Variants in RAPGEF6 observed in about 807,000 individuals in gnomAD.
RAPGEF6 encodes Rap guanine nucleotide exchange factor 6.
RAPGEF6 carries 56 observed loss-of-function variants against 171.4 expected under a neutral mutation model. The ratio of observed to expected loss-of-function variants is 0.33; its 90% confidence interval spans 0.26 to 0.41. The LOEUF is 0.41. RAPGEF6 is among the 10% of genes least tolerant of loss of function. The pLI, the probability that RAPGEF6 is intolerant of heterozygous loss-of-function variation, is 1.00. For synonymous variants in RAPGEF6, 692 were observed against 650.1 expected, an observed-to-expected ratio of 1.06 and a Z score of -0.98; for missense variants, 1,674 against 1,921.4, an observed-to-expected ratio of 0.87 and a Z score of 2.41.
intron 2 of RAPGEF6, among the ~76,000 whole-genome samples, chr5:131,603,780 A>G (rs1191295062): frequency 6.6e-6 from 1 of 151,492 alleles, no homozygotes; most frequent in Non-Finnish European, 1.5e-5. Flanking sequence ...TCTTCCTGAT[A>G]TAATTATTTG....
intron 6 of RAPGEF6, among the ~76,000 whole-genome samples, chr5:131,538,621 C>G (rs916485229): frequency 6.6e-6 from 1 of 152,134 alleles, no homozygotes; most frequent in African/African-American, 2.4e-5. Context: ...TTAGTATCTG[C>G]AGGGGGTCCT....
At chr5:131,468,964 A>T (rs778081469) in intron 17 of RAPGEF6, among the ~76,000 whole-genome samples, 6 of 152,218 alleles carry the variant, frequency 3.9e-5, no homozygotes, top group Non-Finnish European at 8.8e-5. Context: ...ATTCTCACAA[A>T]ATAGTTTTTC....
intron 16 of RAPGEF6, among the ~76,000 whole-genome samples, chr5:131,473,175 A>C (rs1000897218): frequency 2.6e-5 from 4 of 152,184 alleles, no homozygotes; most frequent in African/African-American, 9.7e-5. Flanking sequence ...TAGGAAAAAG[A>C]GTCTACATTC....
chr5:131,631,772 C>T (rs1026790964), intron 1 of RAPGEF6, among the ~76,000 whole-genome samples: 32 of 152,052 alleles, frequency 2.1e-4, no homozygotes, highest in African/African-American at 7.0e-4. Flanking sequence ...TATAGTGAGA[C>T]CCTCTTTAAA....
intron 1 of RAPGEF6, among the ~76,000 whole-genome samples, chr5:131,634,658 C>T (rs1011428637): frequency 1.2e-4 from 19 of 152,180 alleles, no homozygotes; most frequent in African/African-American, 4.6e-4. Context: ...AACGAATGGG[C>T]ATCTAACTGC....
intron 3 of RAPGEF6, among the ~76,000 whole-genome samples, chr5:131,594,350 G>A (rs1429595345): frequency 6.6e-6 from 1 of 152,260 alleles, no homozygotes; most frequent in East Asian, 1.9e-4. Flanking sequence ...TTGGGCCTGC[G>A]GGTACGCAGA....
intron 16 of RAPGEF6, among the ~76,000 whole-genome samples, chr5:131,476,466 TA>T (rs1462063383): frequency 6.6e-6 from 1 of 151,428 alleles, no homozygotes; most frequent in Non-Finnish European, 1.5e-5. Flanking sequence ...TTTATTTATT[TA>T]TTATTTTTTT....
chr5:131,577,938 C>T (rs1259735188), intron 4 of RAPGEF6, among the ~76,000 whole-genome samples: 1 of 152,218 alleles, frequency 6.6e-6, no homozygotes, highest in Non-Finnish European at 1.5e-5. Context: ...ACCCCCACTA[C>T]TTGGACTGCA....
At chr5:131,538,752 A>G (rs1759940041) in intron 6 of RAPGEF6, among the ~76,000 whole-genome samples, 1 of 152,172 alleles carries the variant, frequency 6.6e-6, no homozygotes, top group South Asian at 2.1e-4. Flanking sequence ...ACTCTTCTAT[A>G]TATTTTACAT....
At chr5:131,462,134 TA>T in intron 18 of RAPGEF6, 46 bp from the exon 19 acceptor site, 1 of 1,298,688 alleles carries the variant, frequency 7.7e-7, no homozygotes, top group Non-Finnish European at 1.0e-6. Context: ...TAAATATGAT[TA>T]AATAAGAGCA....
intron 5 of RAPGEF6, among the ~76,000 whole-genome samples, chr5:131,557,220 A>G (rs1422360459): frequency 2.7e-5 from 4 of 148,140 alleles, no homozygotes; most frequent in African/African-American, 1.0e-4. Context: ...GATAATTTGT[A>G]TCTTAAAAAT....
At chr5:131,469,309 T>C (rs1754587511) in intron 17 of RAPGEF6, among the ~76,000 whole-genome samples, 1 of 152,200 alleles carries the variant, frequency 6.6e-6, no homozygotes, top group African/African-American at 2.4e-5. Context: ...TATCTTATTC[T>C]GGCAGTTTAA....
chr5:131,439,647 T>G lies in RAPGEF6; in HGVS notation c.3679A>C (p.Thr1227Pro), dbSNP rs1028846981. The change falls in exon 24 of 28, where the codon ACT (threonine) becomes CCT (proline). Residue 1227 changes from threonine to proline, a missense_variant. Physicochemically the swap from Thr to Pro is conservative, Grantham distance 38. Around this residue, in one of 3 missense-constraint regions of RAPGEF6, gnomAD observed 552 missense variants for 574.2 expected, o/e 0.96. Coordinates refer to ENST00000509018, the MANE Select transcript of RAPGEF6 (RefSeq NM_016340.6). The part of the protein sequence containing the change: ...EISGKKHTED[T>P]ISVASSLHSS... ...TGTAAAGATGACGCCACAGAAATAG[T>G]GTCTTCTGTATGCTTCTTACCACTT... The G allele has an allele frequency of 6.2e-7, 1 of 1,612,854 alleles. No homozygotes were observed. Among genetic ancestry groups the G allele is most frequent in the Admixed American group, 1.7e-5 (1 of 59,952 alleles).
At chr5:131,466,141 A>C (rs950529193) in intron 17 of RAPGEF6, among the ~76,000 whole-genome samples, 1 of 151,674 alleles carries the variant, frequency 6.6e-6, no homozygotes, top group African/African-American at 2.4e-5. Context: ...TGAAAGATTC[A>C]ACTGAATATA....
intron 6 of RAPGEF6, 51 bp downstream of exon 6, chr5:131,547,996 C>A (rs1404291073): frequency 1.9e-6 from 3 of 1,576,282 alleles, no homozygotes; most frequent in Middle Eastern, 1.7e-4. Context: ...ATTAAAGATA[C>A]TAGATATGAA....
intron 17 of RAPGEF6, chr5:131,471,963 G>T (rs1754770149): frequency 6.5e-6 from 1 of 152,732 alleles, no homozygotes; most frequent in African/African-American, 2.4e-5. Context: ...TCCACACCCT[G>T]GGTAAGATAT....
intron 17 of RAPGEF6, among the ~76,000 whole-genome samples, chr5:131,468,879 T>G (rs77349380): frequency 2.0e-5 from 3 of 152,248 alleles, no homozygotes; most frequent in Admixed American, 2.0e-4. Context: ...AAGAGCCAGA[T>G]AGTAAACATT....
At chr5:131,588,850 A>G (rs1763419857) in intron 4 of RAPGEF6, among the ~76,000 whole-genome samples, 1 of 152,114 alleles carries the variant, frequency 6.6e-6, no homozygotes, top group South Asian at 2.1e-4. Context: ...AGGGAGGCAG[A>G]TCACTTGAGG....
intron 6 of RAPGEF6, among the ~76,000 whole-genome samples, chr5:131,544,935 G>C (rs536918578): frequency 6.6e-6 from 1 of 152,054 alleles, no homozygotes; most frequent in East Asian, 1.9e-4. Context: ...CGCCTGCCTC[G>C]GCCCCCAAAG....
Sources: gnomAD v4.1 joint callset for allele counts (sites outside exome capture counted in the v4.1 genomes callset) on GRCh38, gnomAD v4.1.1 for gene constraint, gnomAD v4.1.1 regional missense constraint, MANE v1.5 for transcripts, NCBI Gene and HGNC (gene_info 2026-07-23, HGNC 2026-07-21) for gene names.